AGBL1: variants seen among roughly 807,000 people sequenced by gnomAD.
AGBL1 encodes AGBL carboxypeptidase 1, also known as cytosolic carboxypeptidase 4.
In AGBL1, 130 loss-of-function variants were observed where a neutral mutation model predicts 118.9. That is an observed-to-expected ratio of 1.09 (90% CI 0.95 to 1.26). AGBL1 has a LOEUF of 1.26. Ranked by LOEUF, AGBL1 falls within the 50% of genes most tolerant of loss-of-function variation. AGBL1 has a pLI of 0.00. For synonymous variants in AGBL1, 555 were observed against 478.9 expected (o/e 1.16, Z -2.08); for missense variants, 1,584 against 1,298.1 (o/e 1.22, Z -3.38).
At chr15:86,577,450 G>C (rs968964138) in intron 21 of AGBL1, among the ~76,000 whole-genome samples, 2 of 152,154 alleles carry the variant, frequency 1.3e-5, no homozygotes, top group African/African-American at 4.8e-5. Context: ...AAAATTTTCA[G>C]CCTGACAATG....
chr15:86,280,287 G>A (rs1048454654), intron 16 of AGBL1, among the ~76,000 whole-genome samples: 1 of 152,178 alleles, frequency 6.6e-6, no homozygotes, highest in Non-Finnish European at 1.5e-5. Context: ...GAGGTGGCTA[G>A]AAGGATCCAG....
At chr15:86,162,521 T>A (rs1230426188) in intron 5 of AGBL1, among the ~76,000 whole-genome samples, 1 of 152,206 alleles carries the variant, frequency 6.6e-6, no homozygotes, top group East Asian at 1.9e-4. Context: ...TCTGTGGCCT[T>A]GTGCCAGCCC....
chr15:86,529,790 T>A (rs991315430), intron 19 of AGBL1, among the ~76,000 whole-genome samples: 5 of 151,752 alleles, frequency 3.3e-5, no homozygotes, highest in Non-Finnish European at 5.9e-5. Flanking sequence ...CAGAAGAGAC[T>A]GGGGGCCAAT....
downstream of AGBL1, among the ~76,000 whole-genome samples, chr15:86,917,769 T>C (rs952145538): frequency 2.7e-5 from 3 of 109,170 alleles, no homozygotes; most frequent in African/African-American, 5.9e-5. This position sits in a 1 kb window ranked among gnomAD's most constrained non-coding sequence, Gnocchi z 4.8. Context: ...GGGTGTGCAC[T>C]GGGAGAGAAG....
intron 17 of AGBL1, among the ~76,000 whole-genome samples, chr15:86,312,739 T>A (rs556941332): frequency 6.6e-6 from 1 of 152,276 alleles, no homozygotes; most frequent in African/African-American, 2.4e-5. Flanking sequence ...GTGATGCACA[T>A]CCCGTTAGGA....
intron 17 of AGBL1, among the ~76,000 whole-genome samples, chr15:86,352,827 A>G (rs1419574321): frequency 4.6e-5 from 7 of 152,032 alleles, no homozygotes; most frequent in South Asian, 2.1e-4. Flanking sequence ...GGGCCTCTCA[A>G]AGAAAGGATT....
intron 21 of AGBL1, among the ~76,000 whole-genome samples, chr15:86,584,077 G>C (rs895666871): frequency 6.6e-6 from 1 of 152,062 alleles, no homozygotes. Flanking sequence ...GTAAATTCTG[G>C]ATATTAGACC....
intron 11 of AGBL1, among the ~76,000 whole-genome samples, chr15:86,265,545 C>T (rs909711444): frequency 1.1e-4 from 17 of 152,142 alleles, no homozygotes; most frequent in African/African-American, 4.1e-4. Context: ...GTGGGCAGAC[C>T]AGAAAGTTTT....
intron 17 of AGBL1, among the ~76,000 whole-genome samples, chr15:86,322,913 C>T (rs571579923): frequency 1.5e-3 from 223 of 152,222 alleles, no homozygotes; most frequent in African/African-American, 5.0e-3. Flanking sequence ...TTTTGTATTA[C>T]GTTTGTGGCT....
At chr15:86,320,913 A>G (rs1597727293) in intron 17 of AGBL1, among the ~76,000 whole-genome samples, 3 of 140,168 alleles carry the variant, frequency 2.1e-5, no homozygotes, top group Non-Finnish European at 3.3e-5. Context: ...AATTGATTTT[A>G]TAGTGTTAAA....
chr15:86,455,460 A>G (rs1361743128), intron 18 of AGBL1, among the ~76,000 whole-genome samples: 1 of 151,982 alleles, frequency 6.6e-6, no homozygotes, highest in Admixed American at 6.6e-5. Context: ...CTGCTTCCCA[A>G]TTGGTTGGGT....
intron 24 of AGBL1, among the ~76,000 whole-genome samples, chr15:87,023,513 G>C (rs2081690916): frequency 6.6e-6 from 1 of 151,942 alleles, no homozygotes; most frequent in Non-Finnish European, 1.5e-5. Flanking sequence ...AAATGAGATA[G>C]ACAGCAACAC....
chr15:86,125,971 G>T (rs1203868465), intron 1 of AGBL1, among the ~76,000 whole-genome samples: 2 of 152,132 alleles, frequency 1.3e-5, no homozygotes, highest in Admixed American at 1.3e-4. Flanking sequence ...CACAGCTGCA[G>T]ATGCTTTTAT....
At chr15:86,734,450 A>T (rs1309972574) in intron 22 of AGBL1, among the ~76,000 whole-genome samples, 1 of 152,160 alleles carries the variant, frequency 6.6e-6, no homozygotes, top group Non-Finnish European at 1.5e-5. Flanking sequence ...GAACTGTTAT[A>T]TGAAGGGAGG....
intron 5 of AGBL1, among the ~76,000 whole-genome samples, chr15:86,162,284 C>G (rs1028001851): frequency 5.9e-5 from 9 of 152,076 alleles, no homozygotes; most frequent in Non-Finnish European, 1.0e-4. Flanking sequence ...AGAGTTATTC[C>G]GGGATGCCTT....
intron 22 of AGBL1, among the ~76,000 whole-genome samples, chr15:86,693,669 C>T (rs1174172902): frequency 6.6e-6 from 1 of 152,074 alleles, no homozygotes; most frequent in Admixed American, 6.6e-5. Flanking sequence ...AAGCCTTTGC[C>T]TAAGCCAATG....
At chr15:86,109,296 A>G (rs1282740582) in intron 1 of AGBL1, among the ~76,000 whole-genome samples, 4 of 152,228 alleles carry the variant, frequency 2.6e-5, no homozygotes, top group African/African-American at 9.6e-5. Context: ...AAAATTAAGT[A>G]TGAATGAGGA....
intron 23 of AGBL1, among the ~76,000 whole-genome samples, chr15:86,925,767 G>C (rs1162230992): frequency 7.7e-6 from 1 of 129,064 alleles, no homozygotes; most frequent in Non-Finnish European, 1.6e-5. Context: ...GTCTCACTCT[G>C]TCACCCAGGC....
chr15:86,449,996 G>A (rs1012510433), intron 18 of AGBL1, among the ~76,000 whole-genome samples: 14 of 152,068 alleles, frequency 9.2e-5, no homozygotes, highest in African/African-American at 2.9e-4. Flanking sequence ...CCTTCTGTGT[G>A]CCATCTGTTC....
Sources: gnomAD v4.1 joint callset for allele counts (sites outside exome capture counted in the v4.1 genomes callset) on GRCh38, gnomAD v4.1.1 for gene constraint, Gnocchi (gnomAD v3.1) non-coding constraint, MANE v1.5 for transcripts, NCBI Gene and HGNC (gene_info 2026-07-23, HGNC 2026-07-21) for gene names.